The following PCDHA7 variants were observed in gnomAD, a reference collection of about 807,000 sequenced individuals.
The protein encoded by PCDHA7 is protocadherin alpha-7.
Under a neutral mutation model 57.2 loss-of-function variants are expected in PCDHA7, and 37 were observed. The ratio of observed to expected loss-of-function variants is 0.65; its 90% CI spans 0.50 to 0.85. The LOEUF is 0.85. PCDHA7 is among the 40% of genes least tolerant of loss of function. The pLI is 0.00. For missense variants in PCDHA7, 1,188 were observed against 1,241.8 expected, an observed-to-expected ratio of 0.96 and a Z score of 0.65; for synonymous variants, 553 against 558.8, an observed-to-expected ratio of 0.99 and a Z score of 0.15.
intron 1 of PCDHA7, among the ~76,000 whole-genome samples, chr5:140,913,895 C>A (rs2076500910): frequency 6.6e-6 from 1 of 152,066 alleles, no homozygotes; most frequent in South Asian, 2.1e-4. Flanking sequence ...TTCCAAAATT[C>A]CCCTTTTTTA....
chr5:140,850,367 G>T, intron 1 of PCDHA7: 3 of 1,597,916 alleles, frequency 1.9e-6, no homozygotes, highest in Non-Finnish European at 8.6e-7. Context: ...CGTTCCGCGT[G>T]GGGCTGTACA....
At chr5:140,944,596 G>A (rs2093672992) in intron 1 of PCDHA7, among the ~76,000 whole-genome samples, 1 of 152,138 alleles carries the variant, frequency 6.6e-6, no homozygotes, top group Admixed American at 6.5e-5. Context: ...ATTTCCCTGG[G>A]TAGAGTAGTG....
chr5:141,004,402 A>T (rs2098165262), intron 3 of PCDHA7, among the ~76,000 whole-genome samples: 1 of 152,188 alleles, frequency 6.6e-6, no homozygotes, highest in African/African-American at 2.4e-5. Context: ...TGGAGGAGGC[A>T]CCTGACTAGA....
chr5:140,916,621 C>T (rs1031371866), intron 1 of PCDHA7, among the ~76,000 whole-genome samples: 8 of 152,200 alleles, frequency 5.3e-5, no homozygotes, highest in Non-Finnish European at 1.2e-4. Flanking sequence ...TGACTCTACT[C>T]AATGCCCTAT....
intron 1 of PCDHA7, among the ~76,000 whole-genome samples, chr5:140,918,373 C>A (rs1459758959): frequency 6.6e-6 from 1 of 152,056 alleles, no homozygotes; most frequent in Non-Finnish European, 1.5e-5. Context: ...TATTTGGATG[C>A]CTTTTATTTC....
intron 1 of PCDHA7, chr5:140,851,974 C>T: frequency 3.1e-6 from 3 of 976,536 alleles, no homozygotes; most frequent in Non-Finnish European, 3.7e-6. Flanking sequence ...CACACTCTAC[C>T]TTTAGTGCAA....
At chr5:140,988,828 A>C (rs1554250455) in intron 3 of PCDHA7, 1 of 152,170 alleles carries the variant, frequency 6.6e-6, no homozygotes, top group Non-Finnish European at 1.5e-5. Flanking sequence ...CCAAACAGAG[A>C]TCACGTGTCT....
chr5:140,997,156 C>G (rs1266627646), intron 3 of PCDHA7, among the ~76,000 whole-genome samples: 1 of 152,106 alleles, frequency 6.6e-6, no homozygotes, highest in Non-Finnish European at 1.5e-5. Flanking sequence ...CAGTGACATC[C>G]TGCCCAGAGT....
At chr5:140,956,784 G>T (rs549737881) in intron 1 of PCDHA7, among the ~76,000 whole-genome samples, 373 of 152,090 alleles carry the variant, frequency 2.5e-3, no homozygotes, top group Non-Finnish European at 3.7e-3. Flanking sequence ...CCTGGGCTTT[G>T]TTTGCTTGGT....
At position 140,870,217 on chromosome 5, in the gene PCDHA7, A is replaced by G. The variant is rs911086777; in HGVS notation, c.2355+33479A>G. On this transcript the variant is annotated intron_variant, in intron 1 of 3. Coordinates refer to ENST00000525929, the MANE Select transcript of PCDHA7 (RefSeq NM_018910.3). ...GCCCAGCACGGTCATTGCCCTGATC[A>G]GCGTGTCTGACCGTGACTCAGGTGT... The G allele has an allele frequency of 5.6e-6, 9 of 1,614,144 alleles. No individual in the cohort carries two copies. The highest frequency in any genetic ancestry group is 3.3e-5 in the Admixed American group (2 of 60,034).
At chr5:140,901,654 T>C (rs1274474554) in intron 1 of PCDHA7, among the ~76,000 whole-genome samples, 6 of 152,194 alleles carry the variant, frequency 3.9e-5, no homozygotes. Flanking sequence ...GTTTTGTTCT[T>C]TTTGCTCAAG....
At chr5:140,964,401 G>A (rs1230382796) in intron 1 of PCDHA7, among the ~76,000 whole-genome samples, 6 of 152,166 alleles carry the variant, frequency 3.9e-5, no homozygotes, top group Admixed American at 2.0e-4. Flanking sequence ...CCCAAGACAT[G>A]ACATTTGGGG....
chr5:140,900,717 A>G (rs2068252980), intron 1 of PCDHA7, among the ~76,000 whole-genome samples: 1 of 152,136 alleles, frequency 6.6e-6, no homozygotes, highest in South Asian at 2.1e-4. Flanking sequence ...AAGAAAGGAA[A>G]TCCTACCTAG....
chr5:140,998,708 G>A (rs2153953637), intron 3 of PCDHA7, among the ~76,000 whole-genome samples: 1 of 152,142 alleles, frequency 6.6e-6, no homozygotes, highest in South Asian at 2.1e-4. Context: ...GGGATTACAA[G>A]CTTGCACCAC....
At position 140,857,274 on chromosome 5, in the gene PCDHA7, AC is replaced by A. The variant is rs782434085; in HGVS notation, c.2355+20537del. 196 of 1,598,554 alleles carry A rather than the reference AC, an allele frequency of 1.2e-4. 15 individuals are homozygous for A. The highest frequency in any genetic ancestry group is 3.4e-5 in the Admixed American group (2 of 59,316). On this transcript the variant is annotated intron_variant, in intron 1 of 3. Transcript: ENST00000525929. ...AAGAATTACTACTCATTGGTGCTGG[AC>A]AGCGCTCTGGACCGCGAGAGGGTGT...
At chr5:140,852,863 G>A (rs945338680) in intron 1 of PCDHA7, 4 of 958,208 alleles carry the variant, frequency 4.2e-6, no homozygotes, top group Non-Finnish European at 3.8e-6. Flanking sequence ...CATTTACTAT[G>A]TCATCAATAA....
chr5:140,973,850 T>G (rs767532771), intron 1 of PCDHA7, among the ~76,000 whole-genome samples: 25 of 152,176 alleles, frequency 1.6e-4, no homozygotes, highest in Admixed American at 5.2e-4. Flanking sequence ...TGCCTACCAA[T>G]TTTTGCTCTC....
chr5:140,919,795 A>G (rs1554199259), intron 1 of PCDHA7, among the ~76,000 whole-genome samples: 1 of 152,070 alleles, frequency 6.6e-6, no homozygotes, highest in East Asian at 1.9e-4. Context: ...CTTGTGGTGG[A>G]TTGAATTGTG....
At chr5:140,901,485 C>T (rs894282962) in intron 1 of PCDHA7, among the ~76,000 whole-genome samples, 1 of 152,086 alleles carries the variant, frequency 6.6e-6, no homozygotes, top group African/African-American at 2.4e-5. Context: ...GTTCTTGGCA[C>T]CTTCATCGAA....
Sources: gnomAD v4.1 joint callset for allele counts (sites outside exome capture counted in the v4.1 genomes callset) on GRCh38, gnomAD v4.1.1 for gene constraint, MANE v1.5 for transcripts, NCBI Gene and HGNC (gene_info 2026-07-23, HGNC 2026-07-21) for gene names.